Variants in DLGAP1 observed in about 807,000 individuals in gnomAD.
DLGAP1 encodes the protein disks large-associated protein 1.
A neutral mutation model predicts 90.8 loss-of-function variants in DLGAP1; 11 were observed. The ratio of observed to expected loss-of-function variants is 0.12; its 90% CI spans 0.08 to 0.20. The LOEUF (loss-of-function observed/expected upper bound fraction) is 0.20, where lower values mean the gene tolerates loss of function less well. Among genes scored for constraint, DLGAP1 ranks in the 10% least tolerant of loss-of-function variants. The pLI, the probability that DLGAP1 is intolerant of heterozygous loss-of-function variation, is 1.00. For synonymous variants in DLGAP1, 558 were observed against 540.7 expected (o/e 1.03, Z -0.44); for missense variants, 1,050 against 1,333.8 (o/e 0.79, Z 3.31).
chr18:4,390,093 C>A (rs1462963), intron 1 of DLGAP1, among the ~76,000 whole-genome samples: 2,894 of 151,588 alleles, frequency 0.019, 39 homozygotes, highest in Non-Finnish European at 0.027. Flanking sequence ...TATTGTTCTC[C>A]AAAATATTCT....
intron 5 of DLGAP1, among the ~76,000 whole-genome samples, chr18:3,786,955 C>T (rs923253646): frequency 1.6e-4 from 20 of 124,474 alleles, no homozygotes; most frequent in Admixed American, 1.1e-3. Flanking sequence ...GTGTGTTGTT[C>T]GCATTTTTAC....
chr18:3,780,793 A>G (rs1172462442), intron 5 of DLGAP1, among the ~76,000 whole-genome samples: 1 of 152,068 alleles, frequency 6.6e-6, no homozygotes, highest in African/African-American at 2.4e-5. Context: ...ATCAATATGG[A>G]AAAGGATTTA....
chr18:4,266,033 A>G (rs2079124533), intron 1 of DLGAP1, among the ~76,000 whole-genome samples: 1 of 151,754 alleles, frequency 6.6e-6, no homozygotes, highest in African/African-American at 2.4e-5. Context: ...GAACTCTCTT[A>G]AGATATTTTG....
intron 1 of DLGAP1, among the ~76,000 whole-genome samples, chr18:4,413,697 G>C (rs2082831338): frequency 6.6e-6 from 1 of 152,158 alleles, no homozygotes; most frequent in South Asian, 2.1e-4. Flanking sequence ...TCTAGTGTTA[G>C]GTATTAGGAC....
At chr18:4,347,746 C>A (rs972774645) in intron 1 of DLGAP1, among the ~76,000 whole-genome samples, 4 of 152,024 alleles carry the variant, frequency 2.6e-5, no homozygotes, top group Non-Finnish European at 4.4e-5. Context: ...ACATCAGGAA[C>A]AAGGGGAAGA....
At chr18:3,747,707 C>G (rs2063328883) in intron 5 of DLGAP1, among the ~76,000 whole-genome samples, 1 of 152,172 alleles carries the variant, frequency 6.6e-6, no homozygotes, top group Admixed American at 6.5e-5. Flanking sequence ...TCACTCTGGC[C>G]ACTCGTTATG....
At chr18:4,316,585 C>T (rs2080533598) in intron 1 of DLGAP1, among the ~76,000 whole-genome samples, 1 of 152,166 alleles carries the variant, frequency 6.6e-6, no homozygotes. Flanking sequence ...ACCCCAAGCA[C>T]AGAAGACAAC....
At chr18:3,742,255 C>G in intron 6 of DLGAP1, 80 bp downstream of exon 6, 2 of 1,521,332 alleles carry the variant, frequency 1.3e-6, no homozygotes, top group African/African-American at 2.7e-5. Context: ...TGACTGCCTC[C>G]CCACCTCATG....
chr18:3,887,148 C>T (rs888777562), intron 3 of DLGAP1, among the ~76,000 whole-genome samples: 8 of 152,320 alleles, frequency 5.3e-5, no homozygotes, highest in Non-Finnish European at 7.3e-5. Flanking sequence ...TATTGAACCA[C>T]GTGACAACTT....
chr18:3,575,700 A>C (rs904598785), intron 8 of DLGAP1, among the ~76,000 whole-genome samples: 1 of 152,184 alleles, frequency 6.6e-6, no homozygotes, highest in Non-Finnish European at 1.5e-5. Context: ...AAAACAAAAA[A>C]AATTTATCCT....
chr18:4,357,790 C>T (rs760630608), intron 1 of DLGAP1, among the ~76,000 whole-genome samples: 8 of 152,170 alleles, frequency 5.3e-5, no homozygotes, highest in Non-Finnish European at 1.0e-4. Flanking sequence ...AACAAACAGG[C>T]CCCTTTGGAG....
At chr18:3,576,361 T>C (rs1181534174) in intron 8 of DLGAP1, among the ~76,000 whole-genome samples, 3 of 143,934 alleles carry the variant, frequency 2.1e-5, no homozygotes, top group African/African-American at 7.8e-5. Context: ...CAGGGTTCAA[T>C]CAATTCTCTG....
chr18:4,236,031 G>GT (rs978447876), intron 1 of DLGAP1, among the ~76,000 whole-genome samples: 16 of 151,960 alleles, frequency 1.1e-4, no homozygotes, highest in Non-Finnish European at 2.1e-4. Flanking sequence ...TGGCCTCAAT[G>GT]TTTTTTCTCT....
chr18:4,406,495 G>A (rs932862318), intron 1 of DLGAP1, among the ~76,000 whole-genome samples: 6 of 152,168 alleles, frequency 3.9e-5, no homozygotes, highest in Non-Finnish European at 5.9e-5. Context: ...AAACAACTCT[G>A]TGAGGTGGGG....
intron 7 of DLGAP1, among the ~76,000 whole-genome samples, chr18:3,628,186 T>C (rs2058378755): frequency 7.0e-6 from 1 of 141,874 alleles, no homozygotes; most frequent in Non-Finnish European, 1.5e-5. Context: ...TTGTGCTATA[T>C]TCTTTTTTTT....
At chr18:3,646,989 C>T (rs1313819722) in intron 7 of DLGAP1, among the ~76,000 whole-genome samples, 2 of 151,938 alleles carry the variant, frequency 1.3e-5, no homozygotes, top group Non-Finnish European at 2.9e-5. Context: ...TGGCTCACGC[C>T]TGTAATCTCA....
intron 1 of DLGAP1, among the ~76,000 whole-genome samples, chr18:4,207,505 A>G (rs935677230): frequency 6.6e-6 from 1 of 152,214 alleles, no homozygotes; most frequent in Admixed American, 6.5e-5. Flanking sequence ...CAAAGAAGAT[A>G]ACATCTAATT....
chr18:3,756,454 T>C (rs540649829), intron 5 of DLGAP1, among the ~76,000 whole-genome samples: 5 of 152,260 alleles, frequency 3.3e-5, no homozygotes, highest in African/African-American at 7.2e-5. Flanking sequence ...TGAAAACTTA[T>C]AGGATGCAGT....
intron 1 of DLGAP1, among the ~76,000 whole-genome samples, chr18:4,213,939 A>G (rs1272643221): frequency 6.6e-6 from 1 of 152,132 alleles, no homozygotes; most frequent in East Asian, 1.9e-4. Flanking sequence ...GAGTCCATGT[A>G]GGAAGTCTTC....
Sources: allele counts gnomAD v4.1 joint callset (sites outside exome capture counted in the v4.1 genomes callset), GRCh38; gene constraint gnomAD v4.1.1; transcripts MANE v1.5; gene names NCBI Gene and HGNC (gene_info 2026-07-23, HGNC 2026-07-21).